The following ADGRG2 variants were observed in gnomAD, a reference collection of about 807,000 sequenced individuals.
ADGRG2 encodes adhesion G protein-coupled receptor G2.
ADGRG2 carries 26 observed loss-of-function variants against 74.1 expected under a neutral mutation model. The ratio of observed to expected loss-of-function variants is 0.35; its 90% CI spans 0.26 to 0.49. The LOEUF (loss-of-function observed/expected upper bound fraction) is 0.49, where lower values mean the gene tolerates loss of function less well. ADGRG2 is among the 20% of genes least tolerant of loss of function. ADGRG2 has a pLI of 0.99. For missense variants in ADGRG2, 619 were observed against 763.1 expected (o/e 0.81, Z 2.22); for synonymous variants, 296 against 295.2 (o/e 1.00, Z -0.03).
chrX:19,009,977 A>AT (rs1183369921), intron 17 of ADGRG2, among the ~76,000 whole-genome samples, 195 bp from the exon 18 acceptor site: 1 of 110,460 alleles, frequency 9.1e-6, no homozygotes, highest in Non-Finnish European at 1.9e-5. Context: ...CACCCAGCTA[A>AT]TTTTTTGTAT....
chrX:19,003,178 G>T (rs763709016), intron 23 of ADGRG2, 64 bp from the exon 24 acceptor site: 12 of 925,191 alleles, frequency 1.3e-5, no homozygotes, highest in Non-Finnish European at 1.8e-5. Context: ...ACTTTTTTTT[G>T]GTTTAAGATA....
rs12558519 is a variant in ADGRG2 at position 19,080,146 on chromosome X, A to T, written c.-2+2556T>A. ...GCTGGTCTCGAACTCCTGACCTCAG[A>T]TGACCCACCCGCCTCGGCCTCCCAA... On this transcript the variant is annotated intron_variant, in intron 2 of 28. Transcript: ENST00000379869. Among the ~76,000 whole-genome samples, 654 of 109,470 alleles carry T rather than the reference A, an allele frequency of 6.0e-3. 14 individuals carry two copies. Among genetic ancestry groups the T allele is most frequent in the Admixed American group, 0.054 (551 of 10,233 alleles).
rs201701038 is a variant in ADGRG2 at position 19,006,255 on chromosome X, G to A, written c.1700C>T (p.Thr567Ile). The A allele has an allele frequency of 8.8e-7, 1 of 1,142,128 alleles. No homozygotes were observed. The highest frequency in any genetic ancestry group is 1.2e-6 in the Non-Finnish European group (1 of 838,380). 94.1% of individuals were successfully genotyped at this position (1,142,128 alleles called of 1,213,427 possible). Residue 567 changes from threonine (T) to isoleucine (I), a missense_variant, in exon 21 of 29, where the codon ACA becomes ATA. Around this residue, in one of 3 missense-constraint regions of ADGRG2, gnomAD observed 221 missense variants for 340.6 expected, o/e 0.65. Coordinates refer to ENST00000379869, the MANE Select transcript of ADGRG2 (RefSeq NM_001079858.3). ...CAAGTCCCAAAATACACATCTCACT[G>A]TTAACTCATCCTGTGGTAGAAAGAT... The part of the protein sequence containing the change: ...KHINPSQDEL[T>I]VRCVFWDLGR...
chrX:19,112,225 C>G (rs1457356983), intron 1 of ADGRG2, among the ~76,000 whole-genome samples: 1 of 110,410 alleles, frequency 9.1e-6, no homozygotes, highest in African/African-American at 3.3e-5. Flanking sequence ...GCACATACCA[C>G]CATGCCTGGC....
intron 26 of ADGRG2, among the ~76,000 whole-genome samples, chrX:18,996,638 C>A (rs556709364): frequency 9.2e-6 from 1 of 109,125 alleles, no homozygotes; most frequent in African/African-American, 3.3e-5. Context: ...CTCTCTCCCC[C>A]TCAAACCCAG....
At position 19,118,734 on chromosome X, in the gene ADGRG2, T is replaced by C. The variant is rs750007689; in HGVS notation, c.-47+3708A>G. Among the ~76,000 whole-genome samples the C allele has an allele frequency of 7.1e-5, 8 of 112,094 alleles. No homozygotes were observed. The South Asian group carries it at 3.0e-3, about 42-fold the overall frequency. On this transcript the variant is annotated intron_variant, in intron 1 of 28. Transcript: ENST00000379869. Reference sequence around the variant, plus strand: ...ACATACAACATAGCCATCTTCTACGTGTTTACCTGAGTGAAATAAAAGTTT... The same window carrying C: ...ACATACAACATAGCCATCTTCTACGCGTTTACCTGAGTGAAATAAAAGTTT...
intron 3 of ADGRG2, among the ~76,000 whole-genome samples, chrX:19,049,438 G>GGTTTTTTTTTTTTTTTTTTTTTT (rs1555901661): frequency 1.2e-5 from 1 of 82,214 alleles, no homozygotes; most frequent in African/African-American, 5.7e-5. Flanking sequence ...CGTTTTTTGT[G>GGTTTTTTTTTTTTTTTTTTTTTT]TTTTTTTTTT....
rs778090144 is a variant in ADGRG2, at chrX:19,116,952, TGA to T, written c.-47+5488_-47+5489del. 1.4e-4 allele frequency among the ~76,000 whole-genome samples: 16 copies of T among 112,035 alleles called. 1 individual carries two copies. The South Asian group carries it at 5.9e-3, about 41-fold the overall frequency. On this transcript the variant is annotated intron_variant, in intron 1 of 28. Coordinates refer to ENST00000379869, the MANE Select transcript of ADGRG2 (RefSeq NM_001079858.3). ...ACACAGGAGAAAGACAAAGACTTTG[TGA>T]GAGTTTGTTTCCATTATATACAAGT... is the stretch of plus-strand genomic sequence containing the variant.
intron 15 of ADGRG2, among the ~76,000 whole-genome samples, chrX:19,017,064 A>G (rs2060485599): frequency 9.0e-6 from 1 of 111,240 alleles, no homozygotes; most frequent in South Asian, 3.8e-4. Flanking sequence ...GAGGATTTCA[A>G]CATGCAGCCA....
At chrX:19,049,715 G>A (rs973743909) in intron 3 of ADGRG2, among the ~76,000 whole-genome samples, 10 of 110,165 alleles carry the variant, frequency 9.1e-5, no homozygotes, top group Non-Finnish European at 1.7e-4. Flanking sequence ...TGTGGCCCGG[G>A]GAAGCCAAAA....
At chrX:19,083,589 A>C (rs1569134154) in intron 1 of ADGRG2, among the ~76,000 whole-genome samples, 1 of 111,267 alleles carries the variant, frequency 9.0e-6, no homozygotes, top group Non-Finnish European at 1.9e-5. Context: ...GTTAATTACT[A>C]AGTTTGGCTC....
At position 19,068,769 on chromosome X, in the gene ADGRG2, C is replaced by T. The variant is rs745874668; in HGVS notation, c.66G>A (p.Lys22=). ...GRTEEVLLTF[K]IFLVIICLHV... is the part of the protein sequence containing the mutation. ...GAAGACAAATGATGACAAGGAATAT[C>T]TTGAACGTCAGTAAAACTTCTTCAG... is the stretch of plus-strand genomic sequence containing the variant. The change falls in exon 3 of 29, where the codon AAG becomes AAA. Residue 22 remains lysine (K), a synonymous_variant. Transcript: ENST00000379869. 2 of 1,164,315 alleles carry T rather than the reference C, an allele frequency of 1.7e-6. No homozygotes were observed. The highest frequency in any genetic ancestry group is 3.0e-5 in the East Asian group (1 of 33,313).
intron 1 of ADGRG2, among the ~76,000 whole-genome samples, chrX:19,091,492 TCACACACACACACACA>T (rs57540002): frequency 7.5e-4 from 62 of 82,635 alleles, no homozygotes; most frequent in African/African-American, 2.1e-3. Flanking sequence ...AGATTTTATG[TCACACACACACACACA>T]CACACACACA....
intron 2 of ADGRG2, among the ~76,000 whole-genome samples, chrX:19,081,141 C>T (rs2061840138): frequency 9.0e-6 from 1 of 110,628 alleles, no homozygotes; most frequent in African/African-American, 3.3e-5. Context: ...ACTTTCTCTT[C>T]ATGGTCCATC....
chrX:19,021,237 T>C (rs369967837), intron 13 of ADGRG2, 39 bp from the exon 14 acceptor site: 1 of 697,539 alleles, frequency 1.4e-6, no homozygotes, highest in African/African-American at 2.1e-5. Flanking sequence ...TGTTACTAAA[T>C]GGGAAACCTA....
In ADGRG2 at chrX:19,117,064, G is replaced by A. The variant is rs186078119; in HGVS notation, c.-47+5378C>T. Reference sequence around the variant, plus strand: ...CCCAACACTTTGGGAGACCGAGGCGGGTGGATCATGAGGTCAGGAGTTCAA... The same window carrying A: ...CCCAACACTTTGGGAGACCGAGGCGAGTGGATCATGAGGTCAGGAGTTCAA... On this transcript the variant is annotated intron_variant, in intron 1 of 28. Transcript: ENST00000379869. 1.3e-4 allele frequency among the ~76,000 whole-genome samples: 15 copies of A among 111,413 alleles called. No homozygotes were observed. The East Asian group carries it at 4.3e-3, about 32-fold the overall frequency.
At position 19,040,209 on chromosome X, in the gene ADGRG2, G is replaced by C. The variant is rs2061029048; in HGVS notation, c.134C>G (p.Ser45Cys). ...VTSLEEDTDN[S>C]SLSPPPAKLS... ...CTTACCAGGTGGTGGTGACAAACTGGAATTATCAGTATCTTCTGTTGAGGA... is the reference window on the plus strand; with the variant it reads ...CTTACCAGGTGGTGGTGACAAACTGCAATTATCAGTATCTTCTGTTGAGGA... The change falls in exon 4 of 29, where the codon TCC (serine) becomes TGC (cysteine). Residue 45 changes from serine (S) to cysteine (C), a missense_variant. By Grantham distance (112) the Ser-to-Cys change is moderately radical. Coordinates refer to ENST00000379869, the MANE Select transcript of ADGRG2 (RefSeq NM_001079858.3). The C allele has an allele frequency of 5.2e-6, 6 of 1,157,167 alleles. No individual in the cohort carries two copies. In the East Asian group the frequency reaches 1.8e-4, roughly 35 times the overall value.
intron 1 of ADGRG2, among the ~76,000 whole-genome samples, chrX:19,116,132 T>G (rs968368943): frequency 6.7e-5 from 7 of 104,989 alleles, no homozygotes; most frequent in Non-Finnish European, 1.4e-4. Flanking sequence ...GGAGGATCGC[T>G]TAAGCACCGA....
chrX:19,077,178 G>GA (rs2061762002), intron 2 of ADGRG2, among the ~76,000 whole-genome samples: 1 of 110,579 alleles, frequency 9.0e-6, no homozygotes, highest in Non-Finnish European at 1.9e-5. Flanking sequence ...GAATGGTTAG[G>GA]AAAAATAGAA....
Sources: allele counts gnomAD v4.1 joint callset (sites outside exome capture counted in the v4.1 genomes callset), GRCh38; gene constraint gnomAD v4.1.1; regional missense constraint gnomAD v4.1.1; transcripts MANE v1.5; gene names NCBI Gene and HGNC (gene_info 2026-07-23, HGNC 2026-07-21).